Variants in SIPA1L3 observed in about 807,000 individuals in gnomAD.
The protein encoded by SIPA1L3 is signal-induced proliferation-associated 1-like protein 3.
In SIPA1L3, 59 loss-of-function variants were observed where a neutral mutation model predicts 150.1. That is an observed-to-expected ratio of 0.39 (90% confidence interval 0.32 to 0.49). The LOEUF (loss-of-function observed/expected upper bound fraction) is 0.49, where lower values mean the gene tolerates loss of function less well. SIPA1L3 is among the 20% of genes least tolerant of loss of function. The pLI is 0.86. For missense variants in SIPA1L3, 2,211 were observed against 2,489.5 expected (o/e 0.89, Z 2.38); for synonymous variants, 1,070 against 1,077.6 (o/e 0.99, Z 0.14).
At chr19:38,204,357 C>T (rs2146077542) in intron 21 of SIPA1L3, 149 bp downstream of exon 21, 6 of 596,726 alleles carry the variant, frequency 1.0e-5, no homozygotes, top group Non-Finnish European at 1.8e-5. Context: ...GAAGAGTAAA[C>T]AGTGATAACA....
chr19:38,117,620 G>GA (rs562060967), intron 8 of SIPA1L3, among the ~76,000 whole-genome samples: 26,448 of 143,266 alleles, frequency 0.18, 2,723 homozygotes, highest in African/African-American at 0.3. Context: ...CTCCATCTCA[G>GA]AAAAAAAAAA....
chr19:38,193,902 G>T, intron 18 of SIPA1L3, 122 bp downstream of exon 18: 1 of 1,121,854 alleles, frequency 8.9e-7, no homozygotes. Flanking sequence ...GGCCATCTCA[G>T]GGAGGAATGG....
At chr19:38,004,137 C>A (rs772903182) in intron 1 of SIPA1L3, among the ~76,000 whole-genome samples, 9 of 152,186 alleles carry the variant, frequency 5.9e-5, no homozygotes, top group Non-Finnish European at 1.2e-4. Context: ...GTCTTTAAAT[C>A]ACTTTTAATC....
intron 1 of SIPA1L3, among the ~76,000 whole-genome samples, chr19:37,921,784 G>A (rs554487259): frequency 6.6e-6 from 1 of 151,058 alleles, no homozygotes; most frequent in African/African-American, 2.4e-5. Flanking sequence ...TTTTATTTTT[G>A]TGGAAACAGG....
chr19:38,076,237 AT>A (rs942019317), intron 2 of SIPA1L3, among the ~76,000 whole-genome samples: 3 of 152,128 alleles, frequency 2.0e-5, no homozygotes, highest in African/African-American at 7.2e-5. Context: ...ACATTAGTCT[AT>A]TTTTCTATTT....
At chr19:38,054,787 G>A (rs905801626) in intron 2 of SIPA1L3, among the ~76,000 whole-genome samples, 3 of 152,144 alleles carry the variant, frequency 2.0e-5, no homozygotes, top group Admixed American at 2.0e-4. Flanking sequence ...TGAAGCCACT[G>A]TTGTCGTCCC....
chr19:38,057,259 G>A (rs1387419301), intron 2 of SIPA1L3, among the ~76,000 whole-genome samples: 1 of 150,380 alleles, frequency 6.6e-6, no homozygotes, highest in East Asian at 1.9e-4. Context: ...GTGCACTCCA[G>A]CAAGACTCCA....
chr19:38,102,693 G>A lies in SIPA1L3; in HGVS notation c.2029+1467G>A, dbSNP rs759098264. Among the ~76,000 whole-genome samples, 4 of 152,132 alleles carry A rather than the reference G, an allele frequency of 2.6e-5. No homozygotes were observed. In the East Asian group the frequency reaches 5.8e-4, roughly 22 times the overall value. On this transcript the variant is annotated intron_variant, in intron 6 of 21. Coordinates refer to ENST00000222345, the MANE Select transcript of SIPA1L3 (RefSeq NM_015073.3). ...ACTCTAAAGAAAAACAGAGCCAAGC[G>A]TGGTGGCTCATGCCTGTGATCCCAG...
At chr19:38,060,034 C>G (rs1191934538) in intron 2 of SIPA1L3, among the ~76,000 whole-genome samples, 2 of 152,346 alleles carry the variant, frequency 1.3e-5, no homozygotes, top group South Asian at 2.1e-4. Flanking sequence ...CTCAGCCTCT[C>G]AGAGTGCTGG....
At chr19:38,203,382 C>T (rs980721306) in intron 20 of SIPA1L3, among the ~76,000 whole-genome samples, 10 of 152,324 alleles carry the variant, frequency 6.6e-5, no homozygotes, top group South Asian at 2.1e-4. Context: ...AGCCCCCGAC[C>T]GCCACCGCCT....
intron 2 of SIPA1L3, among the ~76,000 whole-genome samples, chr19:38,048,234 C>T (rs1969105686): frequency 6.6e-6 from 1 of 152,162 alleles, no homozygotes; most frequent in African/African-American, 2.4e-5. Context: ...CACCATCTGG[C>T]CAATGGTTAA....
intron 1 of SIPA1L3, among the ~76,000 whole-genome samples, chr19:37,995,747 T>C (rs1967626183): frequency 6.6e-6 from 1 of 151,972 alleles, no homozygotes; most frequent in African/African-American, 2.4e-5. Flanking sequence ...GAAAGGTGAA[T>C]TTGTCTTATG....
intron 10 of SIPA1L3, 173 bp downstream of exon 10, chr19:38,130,945 T>C (rs1009575072): frequency 1.5e-6 from 1 of 658,804 alleles, no homozygotes; most frequent in East Asian, 2.8e-5. Context: ...ACAGAGCGCT[T>C]ACTGTATGCC....
intron 8 of SIPA1L3, among the ~76,000 whole-genome samples, chr19:38,115,362 C>T (rs1007057353): frequency 6.6e-6 from 1 of 152,314 alleles, no homozygotes; most frequent in African/African-American, 2.4e-5. Context: ...CCAAACTCAG[C>T]TGGAAGCCCC....
intron 1 of SIPA1L3, among the ~76,000 whole-genome samples, chr19:37,971,365 A>T (rs1643464): frequency 0.84 from 126,996 of 152,038 alleles, 53,678 homozygotes; most frequent in African/African-American, 0.96. Flanking sequence ...GCAGAACATG[A>T]TCACCACCTC....
At position 38,164,827 on chromosome 19, in the gene SIPA1L3, C is replaced by T. The variant is rs1463004857; in HGVS notation, c.4129C>T (p.Arg1377Ter). ...PAVAGQSKGYRPKLYSSGSST... is the reference protein window; with the variant it reads ...PAVAGQSKGY The stretch of plus-strand genomic sequence containing the variant: ...AGTTGCCGGCCAAAGCAAGGGCTAC[C>T]GACCGAAGCTGTACTCCTCCGGCTC... The change falls in exon 15 of 22, where the codon CGA becomes TGA. Residue 1377 changes from arginine to a stop codon, truncating the protein, a stop_gained. Coordinates refer to ENST00000222345, the MANE Select transcript of SIPA1L3 (RefSeq NM_015073.3). LOFTEE classifies it high-confidence loss of function. The surrounding 1 kb of genome is among the most constrained non-coding windows in gnomAD (Gnocchi z 4.1). The T allele has an allele frequency of 2.5e-6, 4 of 1,608,964 alleles. No individual in the cohort carries two copies. Among genetic ancestry groups the T allele is most frequent in the Non-Finnish European group, 2.5e-6 (3 of 1,177,412 alleles).
chr19:38,073,316 T>G (rs1969762602), intron 2 of SIPA1L3, among the ~76,000 whole-genome samples: 1 of 152,152 alleles, frequency 6.6e-6, no homozygotes, highest in South Asian at 2.1e-4. Context: ...GGGGACATGC[T>G]TCACATCGCT....
chr19:38,078,445 C>CAT (rs1245374696), intron 2 of SIPA1L3, among the ~76,000 whole-genome samples: 2 of 129,522 alleles, frequency 1.5e-5, no homozygotes, highest in African/African-American at 2.8e-5. Context: ...CATGCACACA[C>CAT]ACACACACAC....
chr19:38,206,050 G>A, intron 21 of SIPA1L3, 47 bp from the exon 22 acceptor site: 2 of 1,496,204 alleles, frequency 1.3e-6, no homozygotes, highest in South Asian at 1.3e-5. Context: ...GCTGTTCCAG[G>A]AGCGGCCAAG....
Sources: allele counts gnomAD v4.1 joint callset (sites outside exome capture counted in the v4.1 genomes callset), GRCh38; gene constraint gnomAD v4.1.1; non-coding constraint Gnocchi (gnomAD v3.1); transcripts MANE v1.5; gene names NCBI Gene and HGNC (gene_info 2026-07-23, HGNC 2026-07-21).